Variants in PAPPA observed in about 807,000 individuals in gnomAD.
The protein encoded by PAPPA is pappalysin-1.
A neutral mutation model predicts 164.0 loss-of-function variants in PAPPA; 60 were observed. That is an observed-to-expected ratio of 0.37 (90% confidence interval 0.30 to 0.45). The LOEUF is 0.45. Ranked by LOEUF, PAPPA falls within the 20% of genes least tolerant of loss-of-function variation. The probability of loss-of-function intolerance (pLI) is 1.00; values close to 1 mark genes in which losing one functional copy is unlikely to be tolerated. For missense variants in PAPPA, 1,782 were observed against 2,087.3 expected, an observed-to-expected ratio of 0.85 and a Z score of 2.85; for synonymous variants, 875 against 814.1, an observed-to-expected ratio of 1.07 and a Z score of -1.27.
At chr9:116,182,091 A>G (rs531467387) in intron 1 of PAPPA, among the ~76,000 whole-genome samples, 2 of 152,190 alleles carry the variant, frequency 1.3e-5, no homozygotes, top group South Asian at 4.1e-4. Flanking sequence ...ATAGACCTGC[A>G]TTCTGAGCTG....
chr9:116,340,495 A>G (rs1459688412), intron 13 of PAPPA, among the ~76,000 whole-genome samples: 1 of 152,272 alleles, frequency 6.6e-6, no homozygotes, highest in Non-Finnish European at 1.5e-5. Context: ...AAATGGGACT[A>G]ATATCACTAC....
intron 2 of PAPPA, among the ~76,000 whole-genome samples, chr9:116,194,001 G>A (rs1844074538): frequency 6.6e-6 from 1 of 152,232 alleles, no homozygotes; most frequent in Non-Finnish European, 1.5e-5. Context: ...GGGCTGGCCA[G>A]ACATGTAGTG....
intron 2 of PAPPA, among the ~76,000 whole-genome samples, chr9:116,189,421 G>C (rs1458510748): frequency 6.6e-6 from 1 of 152,074 alleles, no homozygotes; most frequent in Non-Finnish European, 1.5e-5. Context: ...CCTGAAAAAA[G>C]AATAGGTAAA....
intron 2 of PAPPA, among the ~76,000 whole-genome samples, chr9:116,200,862 A>G (rs1844164219): frequency 6.6e-6 from 1 of 152,206 alleles, no homozygotes; most frequent in Non-Finnish European, 1.5e-5. Context: ...AAAGCAGGGA[A>G]AAAGAAAGGA....
At chr9:116,247,600 AAAT>A (rs1298996097) in intron 7 of PAPPA, among the ~76,000 whole-genome samples, 1 of 152,204 alleles carries the variant, frequency 6.6e-6, no homozygotes, top group Non-Finnish European at 1.5e-5. Context: ...TTAAGAAAAC[AAAT>A]AAATGAAGAG....
chr9:116,387,388 TTTTTTC>T (rs905723354), intron 21 of PAPPA, among the ~76,000 whole-genome samples: 10 of 152,234 alleles, frequency 6.6e-5, no homozygotes, highest in African/African-American at 2.2e-4. Flanking sequence ...GATGTTGTTC[TTTTTTC>T]TTTTTCTTTT....
At chr9:116,332,125 G>T (rs188788616) in intron 11 of PAPPA, among the ~76,000 whole-genome samples, 5 of 152,278 alleles carry the variant, frequency 3.3e-5, no homozygotes, top group African/African-American at 9.6e-5. Flanking sequence ...AGTATGAGCA[G>T]AGAAAGATTG....
In PAPPA at chr9:116,389,450, G is replaced by GA. The variant is rs149707043; in HGVS notation, c.4776+6962dup. On this transcript the variant is annotated intron_variant, in intron 21 of 21. Coordinates refer to ENST00000328252, the MANE Select transcript of PAPPA (RefSeq NM_002581.5). Reference sequence around the variant, plus strand: ...AGTTCCTTCCCATTTTACTTGGAATGAAAAACCAAAGTTTTCCCAATGCCT... The same window carrying GA: ...AGTTCCTTCCCATTTTACTTGGAATGAAAAAACCAAAGTTTTCCCAATGCCT... Among the ~76,000 whole-genome samples the GA allele has an allele frequency of 0.012, 1,852 of 152,220 alleles. 159 individuals carry two copies. The South Asian group carries it at 0.17, about 14-fold the overall frequency.
chr9:116,221,472 T>A (rs1209783615), intron 5 of PAPPA, among the ~76,000 whole-genome samples: 1 of 152,210 alleles, frequency 6.6e-6, no homozygotes, highest in Non-Finnish European at 1.5e-5. Context: ...CTATACTAAA[T>A]GCTTTACATA....
At chr9:116,286,098 A>T (rs1238942052) in intron 9 of PAPPA, 3 of 152,160 alleles carry the variant, frequency 2.0e-5, no homozygotes, top group Non-Finnish European at 4.4e-5. Context: ...CAAGAGGTAG[A>T]AAGTATGCTA....
intron 21 of PAPPA, among the ~76,000 whole-genome samples, chr9:116,393,004 T>C (rs534563648): frequency 6.6e-6 from 1 of 152,246 alleles, no homozygotes; most frequent in African/African-American, 2.4e-5. Context: ...CCTCCAGTGT[T>C]TATTTCGGAA....
intron 9 of PAPPA, among the ~76,000 whole-genome samples, chr9:116,277,556 T>C (rs1037993389): frequency 6.6e-6 from 1 of 152,198 alleles, no homozygotes; most frequent in Non-Finnish European, 1.5e-5. Flanking sequence ...CTTAGAATTA[T>C]TGCAAGGAAA....
chr9:116,291,859 A>G (rs929728038), intron 9 of PAPPA, among the ~76,000 whole-genome samples: 1 of 151,904 alleles, frequency 6.6e-6, no homozygotes, highest in Non-Finnish European at 1.5e-5. Context: ...AATATTTAAA[A>G]TAGTGAATAC....
At chr9:116,374,091 G>C (rs12004684) in intron 19 of PAPPA, among the ~76,000 whole-genome samples, 1 of 151,886 alleles carries the variant, frequency 6.6e-6, no homozygotes, top group African/African-American at 2.4e-5. Context: ...GGTGATGATG[G>C]TGGTGGTAGT....
intron 21 of PAPPA, among the ~76,000 whole-genome samples, chr9:116,390,325 G>A (rs1846873937): frequency 1.3e-5 from 2 of 152,150 alleles, no homozygotes; most frequent in Non-Finnish European, 2.9e-5. Context: ...TATCTTTGGC[G>A]AGAGGAACAG....
intron 9 of PAPPA, among the ~76,000 whole-genome samples, chr9:116,289,056 T>C (rs1415688450): frequency 5.3e-5 from 8 of 150,202 alleles, no homozygotes; most frequent in Admixed American, 1.3e-4. Flanking sequence ...GCTGGACTCT[T>C]ATGCATGCCC....
intron 12 of PAPPA, chr9:116,332,795 C>T: frequency 4.9e-6 from 1 of 206,024 alleles, no homozygotes; most frequent in East Asian, 1.1e-4. Flanking sequence ...TTGTACATGT[C>T]ACCATCTGAG....
intron 19 of PAPPA, among the ~76,000 whole-genome samples, chr9:116,377,261 G>C (rs1361292787): frequency 1.3e-5 from 2 of 151,818 alleles, no homozygotes; most frequent in East Asian, 3.9e-4. Context: ...CTCCACGAAT[G>C]GGTCGAATAT....
At chr9:116,205,153 C>T (rs1844217567) in intron 2 of PAPPA, among the ~76,000 whole-genome samples, 1 of 151,488 alleles carries the variant, frequency 6.6e-6, no homozygotes, top group African/African-American at 2.4e-5. Context: ...GTGGAGTCTT[C>T]CCCCTTAGGG....
Sources: allele counts gnomAD v4.1 joint callset (sites outside exome capture counted in the v4.1 genomes callset), GRCh38; gene constraint gnomAD v4.1.1; transcripts MANE v1.5; gene names NCBI Gene and HGNC (gene_info 2026-07-23, HGNC 2026-07-21).